Variants in PACC1 observed in about 807,000 individuals in gnomAD.
PACC1 encodes the protein proton-activated chloride channel.
PACC1 carries 34 observed loss-of-function variants against 39.7 expected under a neutral mutation model. The observed-to-expected ratio is 0.86, with a 90% CI of 0.65 to 1.14. PACC1 has a LOEUF of 1.14. Ranked by LOEUF, PACC1 falls within the 50% of genes most tolerant of loss-of-function variation. The probability of loss-of-function intolerance (pLI) is 0.00; values close to 1 mark genes in which losing one functional copy is unlikely to be tolerated. For missense variants in PACC1, 379 were observed against 436.4 expected (o/e 0.87, Z 1.17); for synonymous variants, 127 against 160.6 (o/e 0.79, Z 1.58).
chr1:212,388,577 G>A (rs535023222), intron 2 of PACC1, among the ~76,000 whole-genome samples: 1 of 152,174 alleles, frequency 6.6e-6, no homozygotes, highest in African/African-American at 2.4e-5. Flanking sequence ...CTTATAAGAG[G>A]AGGAGACACT....
In PACC1 at chr1:212,399,764, G is replaced by A. The variant is rs117895917; in HGVS notation, c.133+10661C>T. The stretch of plus-strand genomic sequence containing the variant: ...TCACCATGTCACCTAGGCTGGTCTA[G>A]AACTCCTGTACTCAAGCAATCCACC... On this transcript the variant is annotated intron_variant, in intron 2 of 7. Coordinates refer to ENST00000261455, the MANE Select transcript of PACC1 (RefSeq NM_018252.3). Among the ~76,000 whole-genome samples the A allele has an allele frequency of 8.8e-3, 1,332 of 152,176 alleles. 47 individuals are homozygous for A. The highest frequency in any genetic ancestry group is 0.066 in the Admixed American group (1,005 of 15,274).
intron 5 of PACC1, among the ~76,000 whole-genome samples, chr1:212,379,318 G>A (rs1571640760): frequency 2.6e-5 from 4 of 152,032 alleles, no homozygotes; most frequent in East Asian, 1.9e-4. Flanking sequence ...ATATAACCAC[G>A]CAATATGTGT....
At chr1:212,413,777 G>T in intron 1 of PACC1, 1 of 1,103,486 alleles carries the variant, frequency 9.1e-7, no homozygotes, top group Non-Finnish European at 1.3e-6. Context: ...ATGCTCCGAG[G>T]TGAAGGCAGG....
chr1:212,390,252 G>A (rs1055151814), intron 2 of PACC1, among the ~76,000 whole-genome samples: 10 of 151,624 alleles, frequency 6.6e-5, no homozygotes, highest in Admixed American at 3.9e-4. Flanking sequence ...GTGAAACCCC[G>A]TCTCTACTAA....
At chr1:212,384,582 A>G (rs530173288) in intron 4 of PACC1, among the ~76,000 whole-genome samples, 2 of 152,292 alleles carry the variant, frequency 1.3e-5, no homozygotes, top group South Asian at 4.1e-4. Flanking sequence ...TCCCAATTTC[A>G]TCTGGAAAAC....
chr1:212,366,980 T>C (rs1342819335), intron 7 of PACC1, among the ~76,000 whole-genome samples: 2 of 152,250 alleles, frequency 1.3e-5, no homozygotes, highest in African/African-American at 4.8e-5. Flanking sequence ...GGATATATTA[T>C]GATGACATGA....
chr1:212,401,828 C>A (rs1406343797), intron 2 of PACC1, among the ~76,000 whole-genome samples: 5 of 151,646 alleles, frequency 3.3e-5, no homozygotes, highest in African/African-American at 1.2e-4. Context: ...TGTGCACCAC[C>A]ATACCTGGCT....
intron 2 of PACC1, among the ~76,000 whole-genome samples, chr1:212,396,834 AT>A (rs1661543623): frequency 6.7e-6 from 1 of 149,262 alleles, no homozygotes; most frequent in Non-Finnish European, 1.5e-5. Context: ...CTATCTATCT[AT>A]CTATCTATCT....
chr1:212,411,767 C>T (rs111752544), intron 1 of PACC1, among the ~76,000 whole-genome samples: 1,656 of 152,304 alleles, frequency 0.011, 37 homozygotes, highest in African/African-American at 0.037. Context: ...ATTCTTCTAT[C>T]TCCCTCTCCA....
chr1:212,365,428 T>TA (rs1660200249), intron 7 of PACC1, 52 bp from the exon 8 acceptor site: 879 of 1,349,420 alleles, frequency 6.5e-4, no homozygotes, highest in Non-Finnish European at 8.0e-4. Context: ...CAGTCTTGAT[T>TA]CTTTTTTTTT....
chr1:212,380,073 G>C (rs1452391974), intron 4 of PACC1, 36 bp from the exon 5 acceptor site: 60 of 1,608,878 alleles, frequency 3.7e-5, no homozygotes, highest in Non-Finnish European at 5.0e-5. Flanking sequence ...TCAGTCCTGG[G>C]AGAGTACACA....
chr1:212,410,373 A>C (rs1048096412), intron 2 of PACC1, 52 bp downstream of exon 2: 46 of 1,555,838 alleles, frequency 3.0e-5, no homozygotes, highest in Non-Finnish European at 4.1e-5. Context: ...AGGCGCCTAG[A>C]CTGGGGTGTC....
intron 2 of PACC1, among the ~76,000 whole-genome samples, chr1:212,398,966 G>C (rs1661617800): frequency 6.6e-6 from 1 of 152,176 alleles, no homozygotes; most frequent in Non-Finnish European, 1.5e-5. Context: ...CTGGGCTGCA[G>C]GGCCACAGGA....
intron 7 of PACC1, among the ~76,000 whole-genome samples, chr1:212,369,585 A>C (rs1283974028): frequency 6.6e-6 from 1 of 152,110 alleles, no homozygotes; most frequent in African/African-American, 2.4e-5. Context: ...GTTTGAGACC[A>C]GCCTGGTCAA....
At chr1:212,380,743 G>A (rs879563672) in intron 4 of PACC1, among the ~76,000 whole-genome samples, 3 of 152,120 alleles carry the variant, frequency 2.0e-5, no homozygotes, top group Non-Finnish European at 4.4e-5. Flanking sequence ...CCAGTACTGT[G>A]CCACTTTGAT....
intron 7 of PACC1, 75 bp downstream of exon 7, chr1:212,375,118 A>T (rs1660598625): frequency 4.0e-6 from 5 of 1,235,486 alleles, no homozygotes; most frequent in Non-Finnish European, 5.7e-6. Flanking sequence ...CATAATCTTA[A>T]ATAATACATC....
intron 7 of PACC1, among the ~76,000 whole-genome samples, chr1:212,366,188 ATAATT>A (rs1279611174): frequency 6.6e-6 from 1 of 152,204 alleles, no homozygotes; most frequent in Non-Finnish European, 1.5e-5. Context: ...TCTGGAATCA[ATAATT>A]TAAAACAATA....
At chr1:212,391,872 C>T (rs372693200) in intron 2 of PACC1, among the ~76,000 whole-genome samples, 19 of 151,788 alleles carry the variant, frequency 1.3e-4, no homozygotes, top group South Asian at 6.3e-4. Context: ...TGAAATGAAG[C>T]GAGAAGAGAA....
intron 4 of PACC1, among the ~76,000 whole-genome samples, chr1:212,382,541 C>T (rs1252993855): frequency 2.6e-5 from 4 of 152,184 alleles, no homozygotes; most frequent in Non-Finnish European, 5.9e-5. Context: ...ACCAGAAAAT[C>T]AGCAAAATTC....
Sources: allele counts gnomAD v4.1 joint callset (sites outside exome capture counted in the v4.1 genomes callset), GRCh38; gene constraint gnomAD v4.1.1; transcripts MANE v1.5; gene names NCBI Gene and HGNC (gene_info 2026-07-23, HGNC 2026-07-21).